Variants in STRBP observed in about 807,000 individuals in gnomAD.
The protein encoded by STRBP is spermatid perinuclear RNA binding protein.
A neutral mutation model predicts 80.1 loss-of-function variants in STRBP; 13 were observed. The observed-to-expected ratio is 0.16, with a 90% CI of 0.11 to 0.26. The LOEUF is 0.26. STRBP is among the 10% of genes least tolerant of loss of function. The pLI is 1.00. For synonymous variants in STRBP, 284 were observed against 291.2 expected (o/e 0.98, Z 0.25); for missense variants, 485 against 815.2 (o/e 0.59, Z 4.93).
At chr9:123,253,427 T>A (rs1218302311) in intron 1 of STRBP, among the ~76,000 whole-genome samples, 1 of 152,126 alleles carries the variant, frequency 6.6e-6, no homozygotes, top group Non-Finnish European at 1.5e-5. Context: ...GCTAAGAGAG[T>A]ACTGAATCCC....
At chr9:123,149,891 A>C (rs1441387537) in intron 11 of STRBP, among the ~76,000 whole-genome samples, 7 of 152,244 alleles carry the variant, frequency 4.6e-5, no homozygotes, top group Non-Finnish European at 1.0e-4. Flanking sequence ...TTTAGGCGCT[A>C]GACACATAGC....
At chr9:123,255,174 G>A (rs561035862) in intron 1 of STRBP, among the ~76,000 whole-genome samples, 1 of 152,280 alleles carries the variant, frequency 6.6e-6, no homozygotes, top group East Asian at 1.9e-4. Flanking sequence ...AATCTGCCTG[G>A]CATAGAAAGC....
chr9:123,201,175 A>G (rs2039313246), intron 2 of STRBP, among the ~76,000 whole-genome samples: 1 of 152,070 alleles, frequency 6.6e-6, no homozygotes, highest in African/African-American at 2.4e-5. Context: ...TCGAAGCGAC[A>G]GCATATTTCA....
chr9:123,188,721 AT>A (rs919269461), intron 2 of STRBP, among the ~76,000 whole-genome samples: 5 of 152,038 alleles, frequency 3.3e-5, no homozygotes, highest in Non-Finnish European at 7.4e-5. Flanking sequence ...ATATTTAGGG[AT>A]TTTTTTTCCT....
At chr9:123,147,446 G>A (rs190989284) in intron 12 of STRBP, among the ~76,000 whole-genome samples, 3 of 152,070 alleles carry the variant, frequency 2.0e-5, no homozygotes, top group Non-Finnish European at 2.9e-5. Flanking sequence ...GAGGCCAAGG[G>A]GGGTGAATTG....
chr9:123,217,385 C>T (rs1381136390), intron 2 of STRBP, among the ~76,000 whole-genome samples: 1 of 152,130 alleles, frequency 6.6e-6, no homozygotes, highest in Non-Finnish European at 1.5e-5. Flanking sequence ...AAGATACTCC[C>T]TTGCCAATTT....
chr9:123,119,886 T>C (rs1271811915), downstream of STRBP, among the ~76,000 whole-genome samples: 4 of 152,264 alleles, frequency 2.6e-5, no homozygotes, highest in African/African-American at 9.6e-5. Context: ...CTAGCTGTGC[T>C]GTAAAGCTTA....
At chr9:123,230,789 C>G (rs55815149) in intron 2 of STRBP, among the ~76,000 whole-genome samples, 20 of 152,312 alleles carry the variant, frequency 1.3e-4, no homozygotes, top group Admixed American at 3.9e-4. Flanking sequence ...ATTGCTTTAA[C>G]TAAACAGCTT....
At position 123,147,806 on chromosome 9, in the gene STRBP, G is replaced by A; in HGVS notation, c.1110C>T (p.Asn370=). The A allele has an allele frequency of 6.2e-7, 1 of 1,602,674 alleles. No homozygotes were observed. The highest frequency in any genetic ancestry group is 8.5e-7 in the Non-Finnish European group (1 of 1,174,714). The stretch of plus-strand genomic sequence containing the variant: ...TCCTTAAGTTTCGTTTCATCTTCTT[G>A]TTGGGGTCTTTATCATCCCCTAATC... ...EDGLGDDKDP[N]KKMKRNLRKI... Residue 370 remains asparagine, a synonymous_variant, in exon 12 of 19, where the codon AAC becomes AAT. Coordinates refer to ENST00000348403, the MANE Select transcript of STRBP (RefSeq NM_018387.5).
chr9:123,260,321 A>G (rs966008807), intron 1 of STRBP, among the ~76,000 whole-genome samples: 6 of 152,232 alleles, frequency 3.9e-5, no homozygotes, highest in African/African-American at 1.4e-4. Context: ...TTGTGATACT[A>G]AAGAAGGGAG....
At chr9:123,216,364 C>A (rs1168806380) in intron 2 of STRBP, among the ~76,000 whole-genome samples, 1 of 152,192 alleles carries the variant, frequency 6.6e-6, no homozygotes, top group Non-Finnish European at 1.5e-5. Flanking sequence ...AAATAGTTGT[C>A]AAGCGAATAA....
intron 1 of STRBP, among the ~76,000 whole-genome samples, chr9:123,250,036 T>C (rs2040879149): frequency 6.6e-6 from 1 of 152,208 alleles, no homozygotes; most frequent in African/African-American, 2.4e-5. Context: ...CAAAGACCAA[T>C]GGATTTTAAT....
intron 2 of STRBP, among the ~76,000 whole-genome samples, chr9:123,223,781 T>C (rs1301764172): frequency 6.6e-6 from 1 of 152,164 alleles, no homozygotes; most frequent in African/African-American, 2.4e-5. Flanking sequence ...TGATTCTTAG[T>C]ATTTATTTAT....
intron 3 of STRBP, chr9:123,180,783 G>T: frequency 2.7e-6 from 1 of 375,320 alleles, no homozygotes; most frequent in Non-Finnish European, 3.7e-6. Flanking sequence ...CCAATACACA[G>T]CAAAATGAAC....
At chr9:123,188,438 G>C (rs762571367) in intron 2 of STRBP, among the ~76,000 whole-genome samples, 1 of 152,096 alleles carries the variant, frequency 6.6e-6, no homozygotes, top group Non-Finnish European at 1.5e-5. Context: ...TCAGAAGATC[G>C]AGACCATCCT....
intron 3 of STRBP, chr9:123,111,217 CGT>C (rs2132272137): frequency 5.8e-6 from 1 of 172,282 alleles, no homozygotes; most frequent in African/African-American, 2.4e-5. Context: ...CTCGGAAATG[CGT>C]GTGTCTGGAT....
At chr9:123,183,535 C>T (rs2038578373) in intron 3 of STRBP, among the ~76,000 whole-genome samples, 1 of 151,924 alleles carries the variant, frequency 6.6e-6, no homozygotes, top group Admixed American at 6.6e-5. Context: ...AAAAAATCAG[C>T]ACATTTTACC....
At chr9:123,253,732 T>C (rs930895794) in intron 1 of STRBP, among the ~76,000 whole-genome samples, 2 of 152,252 alleles carry the variant, frequency 1.3e-5, no homozygotes, top group African/African-American at 4.8e-5. Context: ...TTGCTGCTGT[T>C]TGTAATATCA....
chr9:123,211,536 A>G (rs1257099167), intron 2 of STRBP, among the ~76,000 whole-genome samples: 1 of 152,140 alleles, frequency 6.6e-6, no homozygotes, highest in Non-Finnish European at 1.5e-5. Flanking sequence ...TTGCAGGCCA[A>G]TGAAACTATG....
Sources: allele counts gnomAD v4.1 joint callset (sites outside exome capture counted in the v4.1 genomes callset), GRCh38; gene constraint gnomAD v4.1.1; transcripts MANE v1.5; gene names NCBI Gene and HGNC (gene_info 2026-07-23, HGNC 2026-07-21).